The following CHD2 variants were observed in gnomAD, a reference collection of about 807,000 sequenced individuals.
The protein encoded by CHD2 is chromodomain helicase DNA binding protein 2.
CHD2 carries 28 observed loss-of-function variants against 243.9 expected under a neutral mutation model. That is an observed-to-expected ratio of 0.11 (90% confidence interval 0.09 to 0.16). The LOEUF (loss-of-function observed/expected upper bound fraction) is 0.16, where lower values mean the gene tolerates loss of function less well. CHD2 is among the 10% of genes least tolerant of loss of function. The probability of loss-of-function intolerance (pLI) is 1.00; values close to 1 mark genes in which losing one functional copy is unlikely to be tolerated. For synonymous variants in CHD2, 775 were observed against 779.0 expected, an observed-to-expected ratio of 0.99 and a Z score of 0.09; for missense variants, 1,386 against 2,209.8, an observed-to-expected ratio of 0.63 and a Z score of 7.47.
intron 24 of CHD2, among the ~76,000 whole-genome samples, chr15:92,982,077 C>T (rs1455316905): frequency 6.6e-6 from 1 of 152,060 alleles, no homozygotes; most frequent in East Asian, 1.9e-4. Context: ...AAAGATGTTA[C>T]CATGTTTCTA....
Position 92,956,452 on chromosome 15 carries a change from A to G in CHD2, c.1810-7A>G, listed in dbSNP as rs765373698. On this transcript the variant is annotated splice_polypyrimidine_tract_variant and splice_region_variant and intron_variant, in intron 15 of 38. Coordinates refer to ENST00000394196, the MANE Select transcript of CHD2 (RefSeq NM_001271.4). ...TGGTGGCTCGTTCTGTTTTGTTTTT[A>G]CTTTAGACTGTGCTGGGCAGTATTA... is the stretch of plus-strand genomic sequence containing the variant. 2.5e-6 allele frequency: 4 copies of G among 1,607,054 alleles called. No individual in the cohort carries two copies. Among genetic ancestry groups the G allele is most frequent in the South Asian group, 2.2e-5 (2 of 89,350 alleles).
chr15:92,919,001 G>A (rs2052899944), intron 2 of CHD2, among the ~76,000 whole-genome samples: 1 of 151,938 alleles, frequency 6.6e-6, no homozygotes, highest in African/African-American at 2.4e-5. Context: ...TGGGATTACA[G>A]GTGCATGCCA....
chr15:92,973,358 A>G (rs1370966512), intron 19 of CHD2, among the ~76,000 whole-genome samples: 1 of 152,234 alleles, frequency 6.6e-6, no homozygotes, highest in African/African-American at 2.4e-5. Flanking sequence ...ATAGACACAT[A>G]GACATATACG....
chr15:92,942,060 T>C, intron 8 of CHD2, 105 bp downstream of exon 8: 1 of 1,063,226 alleles, frequency 9.4e-7, no homozygotes, highest in South Asian at 1.5e-5. Context: ...CTGCTGTATT[T>C]GTTGTGATAT....
At chr15:92,983,481 A>G (rs1286322573) in intron 24 of CHD2, among the ~76,000 whole-genome samples, 1 of 152,188 alleles carries the variant, frequency 6.6e-6, no homozygotes, top group Non-Finnish European at 1.5e-5. Context: ...GCTCCAAGGA[A>G]TGGAGCCTCC....
At chr15:92,977,993 C>T (rs1415999551) in intron 20 of CHD2, among the ~76,000 whole-genome samples, 1 of 152,182 alleles carries the variant, frequency 6.6e-6, no homozygotes. Context: ...AATTCTCTCA[C>T]TCCCATTGCC....
At chr15:92,910,012 A>G (rs947192207) in intron 2 of CHD2, among the ~76,000 whole-genome samples, 2 of 150,946 alleles carry the variant, frequency 1.3e-5, no homozygotes, top group Admixed American at 6.6e-5. Context: ...ATATATATAA[A>G]TTTTTTCTTT....
chr15:93,024,617 A>T lies in CHD2; in HGVS notation c.5399A>T (p.Lys1800Met). Residue 1800 changes from lysine (K) to methionine (M), a missense_variant, in exon 39 of 39, where the codon AAG becomes ATG. Physicochemically the swap from Lys to Met is moderately conservative, Grantham distance 95. Transcript: ENST00000394196. ...TCTCAGAAATCTCCTCACGATTCCA[A>T]GTCACCCCTGGATCATAGGTCTCCT... The part of the protein sequence containing the change: ...PPSQKSPHDS[K>M]SPLDHRSPLE... 6.2e-7 allele frequency: 1 copy of T among 1,614,202 alleles called. No homozygotes were observed. Among genetic ancestry groups the T allele is most frequent in the Non-Finnish European group, 8.5e-7 (1 of 1,180,024 alleles).
chr15:92,963,605 G>A (rs1180208571), intron 16 of CHD2, among the ~76,000 whole-genome samples: 1 of 152,114 alleles, frequency 6.6e-6, no homozygotes, highest in Non-Finnish European at 1.5e-5. Flanking sequence ...TTCTTCCTGT[G>A]TATTCAGGTC....
intron 2 of CHD2, among the ~76,000 whole-genome samples, chr15:92,913,959 G>C (rs2052788373): frequency 6.6e-6 from 1 of 152,200 alleles, no homozygotes. Flanking sequence ...GCCTGATCCA[G>C]GGACCCCTCT....
At chr15:92,980,716 C>A in intron 22 of CHD2, 99 bp from the exon 23 acceptor site, 1 of 763,026 alleles carries the variant, frequency 1.3e-6, no homozygotes, top group Non-Finnish European at 2.2e-6. Flanking sequence ...TTTATATTTT[C>A]AGCAGTTAAC....
rs112531250 is a variant in CHD2 at position 92,933,359 on chromosome 15, A to G, written c.444-4159A>G. On this transcript the variant is annotated intron_variant, in intron 5 of 38. Coordinates refer to ENST00000394196, the MANE Select transcript of CHD2 (RefSeq NM_001271.4). ...TGAGAAAATTTGGTAATGCTGGCTT[A>G]TGTAACAGTGATGGACCAGGAGTTC... Among the ~76,000 whole-genome samples, 175 of 152,336 alleles carry G rather than the reference A, an allele frequency of 1.1e-3. 1 individual carries two copies. The highest frequency in any genetic ancestry group is 4.1e-3 in the African/African-American group (169 of 41,586).
chr15:92,994,985 C>T (rs1472702700), intron 28 of CHD2, among the ~76,000 whole-genome samples: 2 of 152,008 alleles, frequency 1.3e-5, no homozygotes, highest in Admixed American at 1.3e-4. Context: ...ACCTTTTTTC[C>T]CTTAGGTTGA....
rs1064796424 is a variant in CHD2 at position 92,974,916 on chromosome 15, A to G, written c.2543A>G (p.Gln848Arg). The change falls in exon 20 of 39, where the codon CAG becomes CGG. Residue 848 changes from glutamine to arginine, a missense_variant. By Grantham distance (43) the Gln-to-Arg change is conservative (BLOSUM62 1). Around this residue, in one of 19 missense-constraint regions of CHD2, gnomAD observed 118 missense variants for 266.3 expected, o/e 0.44. Transcript: ENST00000394196. ...DGSIKGEIRK[Q>R]ALDHFNADGS... ...TCCATCAAGGGAGAAATCCGAAAACAGGCACTGGACCACTTCAATGCAGAT... is the reference window on the plus strand; with the variant it reads ...TCCATCAAGGGAGAAATCCGAAAACGGGCACTGGACCACTTCAATGCAGAT... The G allele has an allele frequency of 6.2e-7, 1 of 1,613,824 alleles. No homozygotes were observed. Among genetic ancestry groups the G allele is most frequent in the Non-Finnish European group, 8.5e-7 (1 of 1,179,728 alleles).
At chr15:93,016,245 A>T (rs1455076413) in intron 37 of CHD2, among the ~76,000 whole-genome samples, 1 of 152,248 alleles carries the variant, frequency 6.6e-6, no homozygotes, top group Non-Finnish European at 1.5e-5. Flanking sequence ...AAGTGAAATA[A>T]GTGAGGCACA....
intron 6 of CHD2, 99 bp downstream of exon 6, chr15:92,937,724 A>G (rs1054888648): frequency 1.4e-5 from 12 of 836,952 alleles, no homozygotes; most frequent in Admixed American, 2.8e-5. Context: ...AATGAGATGC[A>G]TTGTGTTTTG....
chr15:92,965,611 A>ATGGTAAAT (rs2053751537), intron 16 of CHD2, among the ~76,000 whole-genome samples: 2 of 145,208 alleles, frequency 1.4e-5, no homozygotes, highest in African/African-American at 2.5e-5. Flanking sequence ...TCAGAATCTG[A>ATGGTAAAT]TGGTAAATAT....
At chr15:93,006,600 G>T (rs2054325310) in intron 34 of CHD2, among the ~76,000 whole-genome samples, 1 of 152,166 alleles carries the variant, frequency 6.6e-6, no homozygotes, top group Admixed American at 6.5e-5. Flanking sequence ...CTCCTGTGAG[G>T]TACGTTAGTG....
Position 92,900,432 on chromosome 15 carries a change from A to T in CHD2, c.-464A>T. The T allele has an allele frequency of 5.1e-6, 2 of 395,884 alleles. No individual in the cohort carries two copies. The highest frequency in any genetic ancestry group is 8.9e-6 in the Non-Finnish European group (2 of 224,556). 24.5% of individuals were successfully genotyped at this position (395,884 alleles called of 1,614,324 possible). A position where few individuals can be genotyped will look rare whatever the true frequency, so the allele number is the denominator to read the frequency against. On this transcript the variant is annotated 5_prime_UTR_variant, in exon 1 of 39. Coordinates refer to ENST00000394196, the MANE Select transcript of CHD2 (RefSeq NM_001271.4). ...CTTTCCCTAACTTTCGGGCAGCCTC[A>T]GGGGGCCCCCGTAGCCCCCTGCCTT...
Sources: allele counts gnomAD v4.1 joint callset (sites outside exome capture counted in the v4.1 genomes callset), GRCh38; gene constraint gnomAD v4.1.1; regional missense constraint gnomAD v4.1.1; transcripts MANE v1.5; gene names NCBI Gene and HGNC (gene_info 2026-07-23, HGNC 2026-07-21).